PTPRG: variants seen among roughly 807,000 people sequenced by gnomAD.
PTPRG encodes protein tyrosine phosphatase receptor type G.
Under a neutral mutation model 165.3 loss-of-function variants are expected in PTPRG, and 102 were observed. The observed-to-expected ratio is 0.62, with a 90% CI of 0.53 to 0.73. The LOEUF is 0.73. Ranked by LOEUF, PTPRG falls within the 30% of genes least tolerant of loss-of-function variation. PTPRG has a pLI of 0.00. For missense variants in PTPRG, 1,866 were observed against 1,861.4 expected, an observed-to-expected ratio of 1.00 and a Z score of -0.05; for synonymous variants, 675 against 669.5, an observed-to-expected ratio of 1.01 and a Z score of -0.13.
At chr3:61,605,315 G>A (rs1273864596) in intron 1 of PTPRG, among the ~76,000 whole-genome samples, 1 of 151,852 alleles carries the variant, frequency 6.6e-6, no homozygotes, top group Non-Finnish European at 1.5e-5. Flanking sequence ...GAGTGCACTG[G>A]CATGATCTCG....
intron 2 of PTPRG, among the ~76,000 whole-genome samples, chr3:61,789,645 C>A (rs1252551515): frequency 6.6e-6 from 1 of 152,162 alleles, no homozygotes; most frequent in Non-Finnish European, 1.5e-5. Flanking sequence ...TCCTTTCTTT[C>A]CATGACCTGA....
At chr3:61,878,091 A>G (rs979542893) in intron 2 of PTPRG, among the ~76,000 whole-genome samples, 3 of 152,228 alleles carry the variant, frequency 2.0e-5, no homozygotes, top group Non-Finnish European at 4.4e-5. Flanking sequence ...GGGTATCAGA[A>G]TTGTTGTTCA....
At chr3:61,938,828 T>A (rs949779824) in intron 2 of PTPRG, among the ~76,000 whole-genome samples, 3 of 152,252 alleles carry the variant, frequency 2.0e-5, no homozygotes, top group African/African-American at 7.2e-5. Flanking sequence ...AGTAATAGCA[T>A]TGCTTAACAT....
chr3:62,131,265 C>T (rs1247897369), intron 5 of PTPRG, among the ~76,000 whole-genome samples: 1 of 152,108 alleles, frequency 6.6e-6, no homozygotes, highest in African/African-American at 2.4e-5. Flanking sequence ...CAACGAAAAA[C>T]GTCTCCAGAC....
intron 4 of PTPRG, among the ~76,000 whole-genome samples, chr3:62,050,934 T>C (rs1700450925): frequency 6.6e-6 from 1 of 152,220 alleles, no homozygotes; most frequent in South Asian, 2.1e-4. Flanking sequence ...ACTCCGACTT[T>C]GTTTAAATGG....
chr3:62,157,974 T>C (rs1248070898), intron 7 of PTPRG, among the ~76,000 whole-genome samples: 1 of 152,168 alleles, frequency 6.6e-6, no homozygotes, highest in East Asian at 1.9e-4. Flanking sequence ...CAAAGATTCA[T>C]GGTTAATGAA....
chr3:61,810,469 GGTGCCCTGT>G (rs2035541734), intron 2 of PTPRG, among the ~76,000 whole-genome samples: 2 of 152,064 alleles, frequency 1.3e-5, no homozygotes, highest in Non-Finnish European at 2.9e-5. Flanking sequence ...TTTCTTTTTA[GGTGCCCTGT>G]ATAAGCAACG....
At chr3:61,676,548 TCACACACA>T (rs1023549171) in intron 1 of PTPRG, among the ~76,000 whole-genome samples, 1 of 151,410 alleles carries the variant, frequency 6.6e-6, no homozygotes, top group South Asian at 2.1e-4. Context: ...TATTTTACTT[TCACACACA>T]CACAAACACA....
chr3:61,722,728 TTA>T (rs2032103040), intron 1 of PTPRG, among the ~76,000 whole-genome samples: 2 of 152,232 alleles, frequency 1.3e-5, no homozygotes, highest in Admixed American at 1.3e-4. Context: ...ACGGTGAATT[TTA>T]TGTTATGTCT....
intron 2 of PTPRG, among the ~76,000 whole-genome samples, chr3:61,977,205 C>T (rs1159678749): frequency 3.0e-4 from 37 of 123,058 alleles, no homozygotes; most frequent in Admixed American, 2.8e-3. Context: ...ACCCCCCACA[C>T]TCCAAGAACA....
chr3:62,039,006 T>C (rs1387782713), intron 4 of PTPRG, among the ~76,000 whole-genome samples: 1 of 152,110 alleles, frequency 6.6e-6, no homozygotes, highest in Non-Finnish European at 1.5e-5. Context: ...ATGATCTCAG[T>C]TCACTGCAAC....
At chr3:61,985,335 C>T (rs909489853) in intron 2 of PTPRG, among the ~76,000 whole-genome samples, 9 of 152,188 alleles carry the variant, frequency 5.9e-5, no homozygotes, top group African/African-American at 1.9e-4. Context: ...AATGCTTGCA[C>T]CCACCTGCCT....
At chr3:61,620,153 G>C (rs571562588) in intron 1 of PTPRG, among the ~76,000 whole-genome samples, 1 of 151,712 alleles carries the variant, frequency 6.6e-6, no homozygotes, top group African/African-American at 2.4e-5. Flanking sequence ...CCTGCCCTAC[G>C]TGACTGGACG....
chr3:61,847,039 G>T (rs546314889), intron 2 of PTPRG, among the ~76,000 whole-genome samples: 10 of 152,254 alleles, frequency 6.6e-5, no homozygotes, highest in Admixed American at 4.6e-4. Context: ...ATTCTTCGGT[G>T]TTTGGAGTGG....
chr3:62,289,829 T>C (rs540609347), intron 28 of PTPRG, among the ~76,000 whole-genome samples: 1 of 152,054 alleles, frequency 6.6e-6, no homozygotes, highest in South Asian at 2.1e-4. Flanking sequence ...CTTGAACATT[T>C]AAGATACATG....
At chr3:61,896,132 C>T (rs529963109) in intron 2 of PTPRG, among the ~76,000 whole-genome samples, 16 of 152,128 alleles carry the variant, frequency 1.1e-4, no homozygotes, top group Non-Finnish European at 1.8e-4. Flanking sequence ...TTCATGTATC[C>T]ACTATCCCAG....
intron 2 of PTPRG, among the ~76,000 whole-genome samples, chr3:61,776,968 A>C (rs1305873651): frequency 6.6e-6 from 1 of 152,096 alleles, no homozygotes; most frequent in Non-Finnish European, 1.5e-5. Flanking sequence ...TTTTCTTTGC[A>C]TACTGGTTTG....
intron 1 of PTPRG, among the ~76,000 whole-genome samples, chr3:61,571,432 AC>A (rs1469730659): frequency 3.9e-5 from 6 of 152,174 alleles, no homozygotes; most frequent in African/African-American, 1.2e-4. Context: ...TCACCCTGTT[AC>A]TTTTCCCATA....
rs2038857368 is a variant in PTPRG, at chr3:61,913,547, ATGCACTCTAC to A, written c.191-76077_191-76068del. 4.6e-5 allele frequency among the ~76,000 whole-genome samples: 7 copies of A among 152,180 alleles called. No homozygotes were observed. In the South Asian group the frequency reaches 1.5e-3, roughly 32 times the overall value. ...GGACACCTTTTTCTGATTCATACAG[ATGCACTCTAC>A]GAGTGCATATGTATGTGTATGCACT... is the stretch of plus-strand genomic sequence containing the variant. On this transcript the variant is annotated intron_variant, in intron 2 of 29. Coordinates refer to ENST00000474889, the MANE Select transcript of PTPRG (RefSeq NM_002841.4).
Sources: allele counts gnomAD v4.1 joint callset (sites outside exome capture counted in the v4.1 genomes callset), GRCh38; gene constraint gnomAD v4.1.1; transcripts MANE v1.5; gene names NCBI Gene and HGNC (gene_info 2026-07-23, HGNC 2026-07-21).